The following BAIAP2 variants were observed in gnomAD, a reference collection of about 807,000 sequenced individuals.
The protein encoded by BAIAP2 is BAR/IMD domain-containing adapter protein 2.
Under a neutral mutation model 63.0 loss-of-function variants are expected in BAIAP2, and 18 were observed. The ratio of observed to expected loss-of-function variants is 0.29; its 90% CI spans 0.20 to 0.42. BAIAP2 has a LOEUF of 0.42. Among genes scored for constraint, BAIAP2 ranks in the 10% least tolerant of loss-of-function variants. The probability of loss-of-function intolerance (pLI) is 1.00; values close to 1 mark genes in which losing one functional copy is unlikely to be tolerated. For missense variants in BAIAP2, 610 were observed against 734.3 expected (o/e 0.83, Z 1.96); for synonymous variants, 386 against 307.6 (o/e 1.25, Z -2.67).
chr17:81,047,319 C>G (rs1224621877), intron 1 of BAIAP2, among the ~76,000 whole-genome samples: 2 of 152,028 alleles, frequency 1.3e-5, no homozygotes, highest in Non-Finnish European at 2.9e-5. Context: ...TTCATCTTGT[C>G]CAGTGTAAGA....
intron 2 of BAIAP2, among the ~76,000 whole-genome samples, chr17:81,055,574 G>GTTGTTTTTTTTTGTTTTT (rs2049367558): frequency 1.8e-4 from 22 of 123,402 alleles, no homozygotes; most frequent in African/African-American, 2.0e-4. Flanking sequence ...AGGGTGTTTT[G>GTTGTTTTTTTTTGTTTTT]TTTTTTTTTG....
intron 3 of BAIAP2, among the ~76,000 whole-genome samples, chr17:81,080,516 C>T (rs145588602): frequency 7.8e-4 from 119 of 152,322 alleles, no homozygotes; most frequent in African/African-American, 2.7e-3. Flanking sequence ...GCTGCACGGG[C>T]GGGTGGTGAT....
rs907085490 is a variant in BAIAP2, at chr17:81,109,767, C to T, written c.1535+1258C>T. The T allele has an allele frequency of 4.1e-6, 4 of 985,462 alleles. No homozygotes were observed. In the African/African-American group the frequency reaches 5.2e-5, roughly 13 times the overall value. The allele number at this position is 985,462 out of a possible 1,614,324, so 61.0% of individuals were successfully genotyped here. On this transcript the variant is annotated intron_variant, in intron 13 of 13. Transcript: ENST00000428708. ...AGCAAGGTCGGGGGCAGGCGCTGCC[C>T]AGCTGGCCGCACACGGACATTCCAA...
intron 13 of BAIAP2, 93 bp downstream of exon 13, chr17:81,108,602 C>A: frequency 1.3e-6 from 2 of 1,521,856 alleles, no homozygotes; most frequent in Non-Finnish European, 1.8e-6. Flanking sequence ...GGGGCCACCT[C>A]TTTTCCTTTA....
chr17:81,055,574 G>GTTTTTTGTTTTTTTTTGTTTTTTT (rs370775327), intron 2 of BAIAP2, among the ~76,000 whole-genome samples: 6 of 123,398 alleles, frequency 4.9e-5, no homozygotes, highest in Non-Finnish European at 5.0e-5. Flanking sequence ...AGGGTGTTTT[G>GTTTTTTGTTTTTTTTTGTTTTTTT]TTTTTTTTTG....
chr17:81,052,729 G>C (rs1376720430), intron 1 of BAIAP2, among the ~76,000 whole-genome samples: 1 of 152,142 alleles, frequency 6.6e-6, no homozygotes, highest in African/African-American at 2.4e-5. Flanking sequence ...GGGAGAGGGG[G>C]TGGGGGATGC....
intron 3 of BAIAP2, among the ~76,000 whole-genome samples, chr17:81,065,898 T>C (rs1053755981): frequency 6.6e-6 from 1 of 152,258 alleles, no homozygotes; most frequent in African/African-American, 2.4e-5. Flanking sequence ...TGTAGAGAGT[T>C]GTCGGCTCTT....
rs530306170 is a variant in BAIAP2 at position 81,109,070 on chromosome 17, C to T, written c.1535+561C>T. 55 of 1,504,992 alleles carry T rather than the reference C, an allele frequency of 3.7e-5. No homozygotes were observed. In the Admixed American group the frequency reaches 6.8e-4, roughly 19 times the overall value. 93.2% of individuals were successfully genotyped at this position (1,504,992 alleles called of 1,614,324 possible). On this transcript the variant is annotated intron_variant, in intron 13 of 13. Transcript: ENST00000428708. Reference sequence around the variant, plus strand: ...TCCCCCTGGTCTCGTCCGTTTTCCTCCTCAGCTCTCGCTGGTTTGTTCTTG... The same window carrying T: ...TCCCCCTGGTCTCGTCCGTTTTCCTTCTCAGCTCTCGCTGGTTTGTTCTTG...
intron 13 of BAIAP2, 29 bp downstream of exon 13, chr17:81,108,538 G>T: frequency 1.2e-6 from 2 of 1,613,776 alleles, no homozygotes; most frequent in Middle Eastern, 1.6e-4. Context: ...CTGTCTTTGG[G>T]ACCGTGGGTG....
chr17:81,076,204 C>T (rs2053637179), intron 3 of BAIAP2: 1 of 152,206 alleles, frequency 6.6e-6, no homozygotes, highest in South Asian at 2.1e-4. Context: ...CAGCTTAACT[C>T]ATTTTAAGCT....
chr17:81,081,327 C>T (rs958926235), intron 3 of BAIAP2, among the ~76,000 whole-genome samples: 2 of 152,214 alleles, frequency 1.3e-5, no homozygotes, highest in African/African-American at 2.4e-5. Context: ...CTTCCTGATC[C>T]TGCTCCTCAG....
At chr17:81,077,117 C>A (rs915294485) in intron 3 of BAIAP2, among the ~76,000 whole-genome samples, 1 of 152,168 alleles carries the variant, frequency 6.6e-6, no homozygotes, top group Non-Finnish European at 1.5e-5. Context: ...ACAGAGATGC[C>A]GTGAGACTGG....
intron 3 of BAIAP2, among the ~76,000 whole-genome samples, chr17:81,071,250 T>C (rs920248782): frequency 3.9e-5 from 6 of 152,050 alleles, no homozygotes; most frequent in Admixed American, 2.6e-4. Context: ...ACCCCCGAGG[T>C]GGCGTCCTTG....
chr17:81,098,268 C>A, intron 6 of BAIAP2: 1 of 1,179,328 alleles, frequency 8.5e-7, no homozygotes, highest in South Asian at 3.4e-5. Flanking sequence ...GAGCACAGTC[C>A]GGGGCCTGGG....
intron 3 of BAIAP2, chr17:81,083,742 C>T (rs1347809659): frequency 6.6e-6 from 1 of 152,266 alleles, no homozygotes; most frequent in Non-Finnish European, 1.5e-5. Flanking sequence ...GTGGTCGCAC[C>T]TGCTGGCCTT....
intron 13 of BAIAP2, chr17:81,109,857 C>T (rs2059688181): frequency 1.0e-6 from 1 of 985,224 alleles, no homozygotes; most frequent in African/African-American, 1.7e-5. Flanking sequence ...ATCGATGCTG[C>T]CCCGGGCTAC....
chr17:81,040,727 G>A (rs945420228), intron 1 of BAIAP2, among the ~76,000 whole-genome samples: 2 of 152,216 alleles, frequency 1.3e-5, no homozygotes, highest in Non-Finnish European at 2.9e-5. Flanking sequence ...CCCTGGAGGT[G>A]GTGGCAGCTC....
intron 1 of BAIAP2, among the ~76,000 whole-genome samples, chr17:81,049,229 G>T (rs2048297541): frequency 6.6e-6 from 1 of 152,158 alleles, no homozygotes; most frequent in Non-Finnish European, 1.5e-5. Context: ...TCCTGGCAGG[G>T]GGGCATGGGG....
chr17:81,037,898 A>G (rs1321362389), intron 1 of BAIAP2, among the ~76,000 whole-genome samples: 1 of 152,250 alleles, frequency 6.6e-6, no homozygotes, highest in Non-Finnish European at 1.5e-5. Flanking sequence ...TCTTCCCCGT[A>G]AGAATCCGTA....
Sources: gnomAD v4.1 joint callset for allele counts (sites outside exome capture counted in the v4.1 genomes callset) on GRCh38, gnomAD v4.1.1 for gene constraint, MANE v1.5 for transcripts, NCBI Gene and HGNC (gene_info 2026-07-23, HGNC 2026-07-21) for gene names.